Variants in NEIL3 observed in about 807,000 individuals in gnomAD.
NEIL3 encodes endonuclease 8-like 3.
A neutral mutation model predicts 57.5 loss-of-function variants in NEIL3; 48 were observed. The observed-to-expected ratio is 0.83, with a 90% CI of 0.66 to 1.06. The LOEUF (loss-of-function observed/expected upper bound fraction) is 1.06. Ranked by LOEUF, NEIL3 falls within the 50% of genes least tolerant of loss-of-function variation. The pLI, the probability that NEIL3 is intolerant of heterozygous loss-of-function variation, is 0.00. For synonymous variants in NEIL3, 261 were observed against 253.2 expected, an observed-to-expected ratio of 1.03 and a Z score of -0.29; for missense variants, 717 against 739.1, an observed-to-expected ratio of 0.97 and a Z score of 0.35.
intron 1 of NEIL3, among the ~76,000 whole-genome samples, chr4:177,320,396 G>T (rs1236117556): frequency 1.3e-5 from 2 of 151,270 alleles, no homozygotes; most frequent in African/African-American, 4.9e-5. Context: ...TGAGGACATG[G>T]TGGCATATAC....
chr4:177,366,131 A>G (rs2110952014), downstream of NEIL3, among the ~76,000 whole-genome samples: 1 of 152,368 alleles, frequency 6.6e-6, no homozygotes, highest in South Asian at 2.1e-4. Context: ...GAAATTGCAA[A>G]TATCTAAAGG....
At chr4:177,342,577 G>T (rs144256157) in intron 6 of NEIL3, among the ~76,000 whole-genome samples, 4,746 of 152,230 alleles carry the variant, frequency 0.031, 101 homozygotes, top group Admixed American at 0.066. Flanking sequence ...GTGCAGGAAG[G>T]TTGGGAAGAT....
chr4:177,335,992 T>G, intron 3 of NEIL3, 116 bp from the exon 4 acceptor site: 2 of 1,032,338 alleles, frequency 1.9e-6, no homozygotes, highest in Non-Finnish European at 2.8e-6. Context: ...TGTTTGCATA[T>G]GTAACTCTTA....
chr4:177,349,555 A>G (rs1385302550), intron 6 of NEIL3, among the ~76,000 whole-genome samples: 1 of 152,100 alleles, frequency 6.6e-6, no homozygotes, highest in African/African-American at 2.4e-5. Context: ...AATCCAAAAT[A>G]ATCTCTCTAC....
At position 177,336,092 on chromosome 4, in the gene NEIL3, A is replaced by G; in HGVS notation, c.414-16A>G. 6.4e-7 allele frequency: 1 copy of G among 1,574,716 alleles called. No homozygotes were observed. The highest frequency in any genetic ancestry group is 8.7e-7 in the Non-Finnish European group (1 of 1,145,346). The stretch of plus-strand genomic sequence containing the variant: ...ACCAGACTTATGATTAATGTGTTTT[A>G]TATTCCTTTCTATAGAAACTCAATG... On this transcript the variant is annotated splice_polypyrimidine_tract_variant and intron_variant, in intron 3 of 9. Coordinates refer to ENST00000264596, the MANE Select transcript of NEIL3 (RefSeq NM_018248.3).
At chr4:177,312,052 T>G (rs764607591) in intron 1 of NEIL3, among the ~76,000 whole-genome samples, 8 of 152,226 alleles carry the variant, frequency 5.3e-5, no homozygotes, top group Non-Finnish European at 1.0e-4. Context: ...ATCACCTCAT[T>G]GGTATTTAGG....
chr4:177,347,743 A>G (rs2877985), intron 6 of NEIL3, among the ~76,000 whole-genome samples: 26,431 of 152,106 alleles, frequency 0.17, 2,587 homozygotes, highest in Admixed American at 0.29. Context: ...AAATTTATAT[A>G]ATTTGGGGGC....
chr4:177,321,620 G>A (rs922403768), intron 1 of NEIL3, among the ~76,000 whole-genome samples: 5 of 151,894 alleles, frequency 3.3e-5, no homozygotes, highest in Admixed American at 1.3e-4. Flanking sequence ...TAATTTCCTC[G>A]AATATCTTAT....
chr4:177,314,305 A>C (rs1463297805), intron 1 of NEIL3, among the ~76,000 whole-genome samples: 1 of 152,180 alleles, frequency 6.6e-6, no homozygotes, highest in African/African-American at 2.4e-5. Flanking sequence ...TTCCATGGCC[A>C]TTGTAGCTTT....
Position 177,339,781 on chromosome 4 carries a change from A to G in NEIL3, c.628-2A>G. ...AGGCTCTGCTGTTTTTTCCACTTCA[A>G]GGTTTGTCAATTAACAGATGAACAG... On this transcript the variant is annotated splice_acceptor_variant, in intron 4 of 9. Coordinates refer to ENST00000264596, the MANE Select transcript of NEIL3 (RefSeq NM_018248.3). LOFTEE classifies it high-confidence loss of function. 1.2e-6 allele frequency: 2 copies of G among 1,608,446 alleles called. No individual in the cohort carries two copies. Among genetic ancestry groups the G allele is most frequent in the Non-Finnish European group, 1.7e-6 (2 of 1,175,152 alleles).
At chr4:177,317,155 C>A (rs1196655028) in intron 1 of NEIL3, among the ~76,000 whole-genome samples, 1 of 152,122 alleles carries the variant, frequency 6.6e-6, no homozygotes, top group African/African-American at 2.4e-5. Flanking sequence ...ATGTATGTTA[C>A]AATATTAACA....
chr4:177,325,314 T>C lies in NEIL3; in HGVS notation c.278+2734T>C, dbSNP rs145630146. On this transcript the variant is annotated intron_variant, in intron 2 of 9. Coordinates refer to ENST00000264596, the MANE Select transcript of NEIL3 (RefSeq NM_018248.3). ...CTATCATATAACATGTTAGGAGAAA[T>C]AGAAGTGTACTTTTACTCTGTATAA... Among the ~76,000 whole-genome samples, 19 of 152,264 alleles carry C rather than the reference T, an allele frequency of 1.2e-4. No individual in the cohort carries two copies. In the East Asian group the frequency reaches 3.5e-3, roughly 28 times the overall value.
intron 1 of NEIL3, among the ~76,000 whole-genome samples, chr4:177,318,753 A>G (rs931933847): frequency 1.3e-5 from 2 of 151,742 alleles, no homozygotes; most frequent in African/African-American, 4.8e-5. Context: ...TTTCATCTCC[A>G]TTTCTTTTCC....
intron 6 of NEIL3, among the ~76,000 whole-genome samples, chr4:177,346,055 A>G (rs1404024962): frequency 6.6e-6 from 1 of 152,222 alleles, no homozygotes; most frequent in Non-Finnish European, 1.5e-5. Context: ...CAATAAATAT[A>G]GGCTTAATGA....
the NEIL3 span, among the ~76,000 whole-genome samples, chr4:177,369,220 A>G: frequency 6.6e-6 from 1 of 152,160 alleles, no homozygotes; most frequent in South Asian, 2.1e-4. Context: ...GCTTCAGGAA[A>G]GAGGTAGGAA....
At chr4:177,325,169 C>T (rs1451615030) in intron 2 of NEIL3, among the ~76,000 whole-genome samples, 1 of 152,046 alleles carries the variant, frequency 6.6e-6, no homozygotes, top group Non-Finnish European at 1.5e-5. Flanking sequence ...TAAGTATGAA[C>T]CTCAAACCAG....
chr4:177,321,786 C>T lies in NEIL3; in HGVS notation c.157-673C>T, dbSNP rs1308235148. Among the ~76,000 whole-genome samples the T allele has an allele frequency of 2.6e-5, 4 of 152,252 alleles. No homozygotes were observed. In the East Asian group the frequency reaches 7.7e-4, roughly 29 times the overall value. ...TTAGATTCCCCTACTCAGGGGGCCGCAGGTTTTTATCTCTGATCTCCTGCA... is the reference window on the plus strand; with the variant it reads ...TTAGATTCCCCTACTCAGGGGGCCGTAGGTTTTTATCTCTGATCTCCTGCA... On this transcript the variant is annotated intron_variant, in intron 1 of 9. Transcript: ENST00000264596.
intron 1 of NEIL3, among the ~76,000 whole-genome samples, chr4:177,310,575 C>G (rs559222970): frequency 2.0e-5 from 3 of 152,328 alleles, no homozygotes; most frequent in African/African-American, 7.2e-5. Context: ...AATTCTAAAA[C>G]TACACGTAGA....
At chr4:177,345,703 T>C (rs1192359373) in intron 6 of NEIL3, among the ~76,000 whole-genome samples, 2 of 107,318 alleles carry the variant, frequency 1.9e-5, no homozygotes, top group East Asian at 4.3e-4. Flanking sequence ...TTTTTTTTTT[T>C]TCTTGAGACA....
Sources: gnomAD v4.1 joint callset for allele counts (sites outside exome capture counted in the v4.1 genomes callset) on GRCh38, gnomAD v4.1.1 for gene constraint, MANE v1.5 for transcripts, NCBI Gene and HGNC (gene_info 2026-07-23, HGNC 2026-07-21) for gene names.